The following TENM3 variants were observed in gnomAD, a reference collection of about 807,000 sequenced individuals.
The protein encoded by TENM3 is teneurin-3.
A neutral mutation model predicts 255.1 loss-of-function variants in TENM3; 63 were observed. The ratio of observed to expected loss-of-function variants is 0.25; its 90% CI spans 0.20 to 0.30. The LOEUF (loss-of-function observed/expected upper bound fraction) is 0.30. TENM3 is among the 10% of genes least tolerant of loss of function. The pLI is 1.00. For synonymous variants in TENM3, 1,306 were observed against 1,322.3 expected (o/e 0.99, Z 0.27); for missense variants, 2,929 against 3,461.1 (o/e 0.85, Z 3.86).
At chr4:182,461,238 A>G (rs1167275589) in intron 3 of TENM3, among the ~76,000 whole-genome samples, 1 of 152,216 alleles carries the variant, frequency 6.6e-6, no homozygotes, top group Non-Finnish European at 1.5e-5. Flanking sequence ...CTGCTCAGAA[A>G]GTCAGTGTCA....
chr4:182,386,336 G>C (rs558099980), intron 3 of TENM3, among the ~76,000 whole-genome samples: 22 of 152,246 alleles, frequency 1.4e-4, no homozygotes, highest in Non-Finnish European at 2.9e-4. Context: ...TAGCACTGCT[G>C]AAGTGTTTGT....
chr4:182,647,223 T>A (rs752501333), intron 5 of TENM3, among the ~76,000 whole-genome samples: 45 of 152,240 alleles, frequency 3.0e-4, no homozygotes, highest in Non-Finnish European at 5.7e-4. Flanking sequence ...TTTTTGTTTT[T>A]AATTCTGGTA....
chr4:182,347,067 GT>G, intron 3 of TENM3, 138 bp downstream of exon 3: 1 of 827,180 alleles, frequency 1.2e-6, no homozygotes. Context: ...ATTTCTTTTT[GT>G]TTTAATGTAG....
chr4:182,281,044 CA>C (rs1198169535), intron 1 of TENM3, among the ~76,000 whole-genome samples: 9 of 152,330 alleles, frequency 5.9e-5, no homozygotes, highest in Non-Finnish European at 1.3e-4. Flanking sequence ...ATTTCTCCTA[CA>C]AACTCCTCCT....
intron 23 of TENM3, among the ~76,000 whole-genome samples, chr4:182,774,262 A>G (rs1307006525): frequency 6.6e-6 from 1 of 151,924 alleles, no homozygotes; most frequent in African/African-American, 2.4e-5. Context: ...CAACTTTTTG[A>G]CTCATTTTTT....
At chr4:182,045,395 TA>T in the TENM3 span, among the ~76,000 whole-genome samples, 4,803 of 139,254 alleles carry the variant, frequency 0.034, 160 homozygotes, top group African/African-American at 0.091. Context: ...TAGCCTCAAT[TA>T]AAAAAAAAAA....
At chr4:181,770,048 C>A in the TENM3 span, among the ~76,000 whole-genome samples, 1 of 152,054 alleles carries the variant, frequency 6.6e-6, no homozygotes, top group Non-Finnish European at 1.5e-5. Flanking sequence ...CCAGTTACAA[C>A]GGGGAAGCGG....
chr4:182,352,667 A>G (rs918765539), intron 3 of TENM3, among the ~76,000 whole-genome samples: 2 of 152,164 alleles, frequency 1.3e-5, no homozygotes, highest in Non-Finnish European at 2.9e-5. Context: ...CACAGCTGAA[A>G]CACTTTTCAA....
the TENM3 span, among the ~76,000 whole-genome samples, chr4:181,664,804 C>T: frequency 7.9e-4 from 120 of 152,276 alleles, no homozygotes; most frequent in Admixed American, 1.9e-3. Context: ...ACATTGACCC[C>T]GCTCTTGCTC....
intron 1 of TENM3, among the ~76,000 whole-genome samples, chr4:182,280,657 C>T (rs759642681): frequency 4.6e-5 from 7 of 152,152 alleles, no homozygotes; most frequent in East Asian, 3.9e-4. Context: ...TGGCGCGGTA[C>T]GGAAAATTGA....
At chr4:181,551,882 GTGTGTGTA>G in the TENM3 span, among the ~76,000 whole-genome samples, 213 of 47,172 alleles carry the variant, frequency 4.5e-3, 3 homozygotes, top group Middle Eastern at 0.017. Flanking sequence ...GTGTGTGTGT[GTGTGTGTA>G]TATAAATTTT....
intron 7 of TENM3, among the ~76,000 whole-genome samples, chr4:182,676,170 G>C (rs1360047904): frequency 6.6e-6 from 1 of 152,226 alleles, no homozygotes; most frequent in Non-Finnish European, 1.5e-5. Flanking sequence ...AGTTGCTTGA[G>C]CTTTCGCAGT....
rs1765912091 is a variant in TENM3, at chr4:182,789,206, C to T, written c.5418C>T (p.His1806=). Residue 1806 remains histidine (H), a synonymous_variant, in exon 25 of 28, where the codon CAC becomes CAT. Transcript: ENST00000511685. This position sits in a 1 kb window ranked among gnomAD's most constrained non-coding sequence, Gnocchi z 4.4. ...LLRIAYDTSG[H]PTLWLPSSKL... The stretch of plus-strand genomic sequence containing the variant: ...GGATCGCCTACGACACGTCTGGGCA[C>T]CCGACTCTCTGGCTGCCAAGCAGCA... The T allele has an allele frequency of 6.2e-7, 1 of 1,613,402 alleles. No homozygotes were observed. The highest frequency in any genetic ancestry group is 8.5e-7 in the Non-Finnish European group (1 of 1,179,676).
chr4:182,343,758 C>T (rs1194055700), intron 2 of TENM3, among the ~76,000 whole-genome samples: 1 of 151,394 alleles, frequency 6.6e-6, no homozygotes, highest in South Asian at 2.1e-4. Flanking sequence ...TCTTGCTAAA[C>T]ACTGCTAGAT....
chr4:182,763,460 G>A (rs1426852194), intron 22 of TENM3, among the ~76,000 whole-genome samples: 2 of 152,092 alleles, frequency 1.3e-5, no homozygotes, highest in African/African-American at 4.8e-5. Context: ...AGCTACTCGG[G>A]AGGCTGAGGC....
chr4:182,334,365 AT>A (rs1478729101), intron 2 of TENM3, among the ~76,000 whole-genome samples: 1 of 152,198 alleles, frequency 6.6e-6, no homozygotes, highest in Non-Finnish European at 1.5e-5. Flanking sequence ...AAATTAATGC[AT>A]AGAAGTTAAG....
chr4:181,820,436 A>T, the TENM3 span: 1 of 151,890 alleles, frequency 6.6e-6, no homozygotes, highest in Non-Finnish European at 1.5e-5. Flanking sequence ...ATATTTTCTT[A>T]GTTGCAATGA....
the TENM3 span, among the ~76,000 whole-genome samples, chr4:181,491,833 C>G: frequency 6.6e-6 from 1 of 152,078 alleles, no homozygotes. Flanking sequence ...TTATGTAAAT[C>G]ACCTCGCTTA....
the TENM3 span, among the ~76,000 whole-genome samples, chr4:181,890,918 A>G: frequency 1.3e-5 from 2 of 152,224 alleles, no homozygotes; most frequent in African/African-American, 4.8e-5. Context: ...TTCCTGAAGC[A>G]TCAGTAAAAA....
Sources: allele counts gnomAD v4.1 joint callset (sites outside exome capture counted in the v4.1 genomes callset), GRCh38; gene constraint gnomAD v4.1.1; non-coding constraint Gnocchi (gnomAD v3.1); transcripts MANE v1.5; gene names NCBI Gene and HGNC (gene_info 2026-07-23, HGNC 2026-07-21).